Variants in SRRM4 observed in about 807,000 individuals in gnomAD.
SRRM4 encodes serine/arginine repetitive matrix 4, also known as serine/arginine repetitive matrix protein 4.
SRRM4 carries 33 observed loss-of-function variants against 68.9 expected under a neutral mutation model. That is an observed-to-expected ratio of 0.48 (90% CI 0.36 to 0.64). The LOEUF (loss-of-function observed/expected upper bound fraction) is 0.64. SRRM4 is among the 30% of genes least tolerant of loss of function. SRRM4 has a pLI of 0.00. For synonymous variants in SRRM4, 318 were observed against 318.8 expected (o/e 1.00, Z 0.03); for missense variants, 817 against 827.1 (o/e 0.99, Z 0.15).
chr12:118,992,140 T>C (rs1421832821), intron 1 of SRRM4: 1 of 152,252 alleles, frequency 6.6e-6, no homozygotes, highest in Middle Eastern at 3.2e-3. Context: ...GCTCCTCTTT[T>C]AGCAGAAAGA....
At chr12:119,058,577 A>G (rs1015649631) in intron 1 of SRRM4, among the ~76,000 whole-genome samples, 5 of 152,214 alleles carry the variant, frequency 3.3e-5, no homozygotes, top group Non-Finnish European at 7.3e-5. Context: ...TGCTCTTCCT[A>G]TAGCTCTTCT....
At chr12:119,078,503 C>A (rs4767766) in intron 1 of SRRM4, among the ~76,000 whole-genome samples, 86,868 of 152,076 alleles carry the variant, frequency 0.57, 25,820 homozygotes, top group Middle Eastern at 0.76. Context: ...TAATCACACT[C>A]ATTCATAGTC....
intron 5 of SRRM4, among the ~76,000 whole-genome samples, chr12:119,121,293 A>C (rs4625536): frequency 0.38 from 57,860 of 151,892 alleles, 11,480 homozygotes; most frequent in East Asian, 0.5. Context: ...CTAGGCCAGT[A>C]ATAGGTTCTT....
chr12:119,093,277 G>A (rs531453522), intron 1 of SRRM4, among the ~76,000 whole-genome samples: 7 of 152,128 alleles, frequency 4.6e-5, no homozygotes, highest in Non-Finnish European at 8.8e-5. Context: ...TGTTCCCAGT[G>A]CCTGCACATA....
In SRRM4 at chr12:119,114,345, A is replaced by T. The variant is rs1191456929; in HGVS notation, c.346A>T (p.Thr116Ser). ...SRGKKKKKKSTRKKRRRSSSY... is the reference protein window; with the variant it reads ...SRGKKKKKKSSRKKRRRSSSY... ...GGGAAAGAAGAAAAAGAAGAAATCC[A>T]CTCGGAAGAAGAGAAGGAGGTAAGA... Residue 116 changes from threonine (T) to serine (S), a missense_variant, in exon 3 of 13, where the codon ACT becomes TCT. Transcript: ENST00000267260. 6.2e-7 allele frequency: 1 copy of T among 1,608,552 alleles called. No homozygotes were observed. The highest frequency in any genetic ancestry group is 1.1e-5 in the South Asian group (1 of 89,568).
At chr12:119,042,070 C>A (rs1405829955) in intron 1 of SRRM4, among the ~76,000 whole-genome samples, 1 of 152,136 alleles carries the variant, frequency 6.6e-6, no homozygotes, top group Non-Finnish European at 1.5e-5. Context: ...GCCTTCATTT[C>A]GCGGATGACA....
At position 119,157,383 on chromosome 12, in the gene SRRM4, A is replaced by G. The variant is rs1156429139; in HGVS notation, c.*585A>G. Reference sequence around the variant, plus strand: ...GTCCTAGAAGAAGGGATATCCTTGAATACCAGATGGGGACGTTTGACTTGG... The same window carrying G: ...GTCCTAGAAGAAGGGATATCCTTGAGTACCAGATGGGGACGTTTGACTTGG... On this transcript the variant is annotated 3_prime_UTR_variant, in exon 13 of 13. Coordinates refer to ENST00000267260, the MANE Select transcript of SRRM4 (RefSeq NM_194286.4). The surrounding 1 kb of genome is among the most constrained non-coding windows in gnomAD (Gnocchi z 4.1). The G allele has an allele frequency of 1.3e-5, 2 of 153,364 alleles. No homozygotes were observed. 9.5% of individuals were successfully genotyped at this position (153,364 alleles called of 1,614,324 possible). A position where few individuals can be genotyped will look rare whatever the true frequency, so the allele number is the denominator to read the frequency against.
intron 8 of SRRM4, among the ~76,000 whole-genome samples, chr12:119,141,571 G>T (rs969551344): frequency 2.0e-5 from 3 of 152,112 alleles, no homozygotes; most frequent in African/African-American, 7.2e-5. Flanking sequence ...CACCCAGCTG[G>T]ATCCCACCTG....
rs373113033 is a variant in SRRM4, at chr12:119,125,435, G to A, written c.570G>A (p.Ser190=). 54 of 1,613,098 alleles carry A rather than the reference G, an allele frequency of 3.3e-5. 1 individual carries two copies. The South Asian group carries it at 4.2e-4, about 12-fold the overall frequency. ...GCCACCGCCATCACCGCTGCCCCTC[G>A]CGGTCCCAGAGCTCGGAGTCCCGCC... The part of the protein sequence containing the change: ...SHRHRHHRCP[S]RSQSSESRPS... Residue 190 remains serine, a synonymous_variant, in exon 7 of 13, where the codon TCG becomes TCA. Coordinates refer to ENST00000267260, the MANE Select transcript of SRRM4 (RefSeq NM_194286.4).
chr12:119,033,595 C>A (rs777232267), intron 1 of SRRM4, among the ~76,000 whole-genome samples: 2 of 150,956 alleles, frequency 1.3e-5, no homozygotes, highest in Non-Finnish European at 2.9e-5. Flanking sequence ...ACCCAAGAGG[C>A]GGAGGTCGCC....
rs1954505934 is a variant in SRRM4, at chr12:119,160,480, A to G, written c.*3682A>G. ...CCTCATTACCTTCTGCTTCCAAGGA[A>G]TATGACAGATCACCAGGATGCTGCT... On this transcript the variant is annotated 3_prime_UTR_variant, in exon 13 of 13. Transcript: ENST00000267260. The G allele has an allele frequency of 6.6e-6, 1 of 152,158 alleles. No individual in the cohort carries two copies. Among genetic ancestry groups the G allele is most frequent in the African/African-American group, 2.4e-5 (1 of 41,440 alleles). The allele number at this position is 152,158 out of a possible 1,614,324, so 9.4% of individuals were successfully genotyped here.
In SRRM4 at chr12:119,130,971, A is replaced by G. The variant is rs1954294042; in HGVS notation, c.771+137A>G. 36 of 940,126 alleles carry G rather than the reference A, an allele frequency of 3.8e-5. No individual in the cohort carries two copies. In the East Asian group the frequency reaches 1.1e-3, roughly 28 times the overall value. The allele number at this position is 940,126 out of a possible 1,614,324, so 58.2% of individuals were successfully genotyped here. A position where few individuals can be genotyped will look rare whatever the true frequency, so the allele number is the denominator to read the frequency against. ...TATCCCACTGGCTCCAGACCTCATT[A>G]ATGATGAACCAAATGATCATTCACC... On this transcript the variant is annotated intron_variant, in intron 8 of 12. Coordinates refer to ENST00000267260, the MANE Select transcript of SRRM4 (RefSeq NM_194286.4).
intron 6 of SRRM4, chr12:119,124,368 A>G (rs1454910465): frequency 6.6e-6 from 1 of 152,264 alleles, no homozygotes; most frequent in Non-Finnish European, 1.5e-5. Context: ...GAGGTTCAGG[A>G]TCAGAGTTTG....
At chr12:119,075,475 G>A (rs1242564388) in intron 1 of SRRM4, among the ~76,000 whole-genome samples, 1 of 96,558 alleles carries the variant, frequency 1.0e-5, no homozygotes, top group Non-Finnish European at 2.5e-5. Flanking sequence ...TGATGATGGT[G>A]CTGATGGTGA....
At chr12:119,137,579 T>G (rs1188771847) in intron 8 of SRRM4, among the ~76,000 whole-genome samples, 5 of 119,022 alleles carry the variant, frequency 4.2e-5, no homozygotes, top group Admixed American at 9.6e-5. Flanking sequence ...TGAGGCGAGG[T>G]TTGGAGTGGA....
intron 1 of SRRM4, among the ~76,000 whole-genome samples, chr12:119,081,959 T>G (rs1953951638): frequency 6.6e-6 from 1 of 152,234 alleles, no homozygotes; most frequent in South Asian, 2.1e-4. Context: ...GAAACCATTC[T>G]CAAATTTTAG....
intron 8 of SRRM4, among the ~76,000 whole-genome samples, chr12:119,143,286 GTCCC>G (rs1954378118): frequency 6.6e-6 from 1 of 152,206 alleles, no homozygotes; most frequent in African/African-American, 2.4e-5. Context: ...AGAAGTAGAA[GTCCC>G]CCCTCCTTTA....
At chr12:119,095,959 CAAAAAA>C (rs34062118) in intron 1 of SRRM4, among the ~76,000 whole-genome samples, 2 of 105,974 alleles carry the variant, frequency 1.9e-5, no homozygotes, top group Non-Finnish European at 1.9e-5. Flanking sequence ...GCCTCAGTCT[CAAAAAA>C]AAAAAAAAAA....
chr12:119,063,703 C>T (rs1046595396), intron 1 of SRRM4, among the ~76,000 whole-genome samples: 21 of 152,196 alleles, frequency 1.4e-4, no homozygotes, highest in Non-Finnish European at 2.4e-4. Context: ...AAATGCTAGA[C>T]ATTGGTCTCT....
Sources: allele counts gnomAD v4.1 joint callset (sites outside exome capture counted in the v4.1 genomes callset), GRCh38; gene constraint gnomAD v4.1.1; non-coding constraint Gnocchi (gnomAD v3.1); transcripts MANE v1.5; gene names NCBI Gene and HGNC (gene_info 2026-07-23, HGNC 2026-07-21).